CLIP1: variants seen among roughly 807,000 people sequenced by gnomAD.
CLIP1 encodes the protein CAP-Gly domain containing linker protein 1.
In CLIP1, 66 loss-of-function variants were observed where a neutral mutation model predicts 161.6. The ratio of observed to expected loss-of-function variants is 0.41; its 90% CI spans 0.33 to 0.50. The LOEUF (loss-of-function observed/expected upper bound fraction) is 0.50, where lower values mean the gene tolerates loss of function less well. Ranked by LOEUF, CLIP1 falls within the 20% of genes least tolerant of loss-of-function variation. The probability of loss-of-function intolerance (pLI) is 0.27; values close to 1 mark genes in which losing one functional copy is unlikely to be tolerated. For synonymous variants in CLIP1, 598 were observed against 626.2 expected (o/e 0.96, Z 0.67); for missense variants, 1,376 against 1,702.0 (o/e 0.81, Z 3.37).
At chr12:122,421,862 C>A (rs1956954199) in intron 1 of CLIP1, among the ~76,000 whole-genome samples, 1 of 152,228 alleles carries the variant, frequency 6.6e-6, no homozygotes, top group South Asian at 2.1e-4. Flanking sequence ...GCCTTCCGCG[C>A]CAATCCCCTG....
chr12:122,338,295 C>G (rs746713789), intron 11 of CLIP1, among the ~76,000 whole-genome samples: 1 of 151,924 alleles, frequency 6.6e-6, no homozygotes, highest in Non-Finnish European at 1.5e-5. Context: ...GGTGACAGAA[C>G]GAGACTCTGT....
intron 10 of CLIP1, among the ~76,000 whole-genome samples, chr12:122,346,324 C>T (rs970853606): frequency 6.6e-6 from 1 of 152,148 alleles, no homozygotes; most frequent in African/African-American, 2.4e-5. Context: ...TGAATACCTG[C>T]AAAGCACTTA....
chr12:122,360,697 A>G (rs1953735568), intron 5 of CLIP1: 1 of 394,900 alleles, frequency 2.5e-6, no homozygotes, highest in African/African-American at 2.0e-5. Context: ...CAGTAGTTAT[A>G]CAGATTCACC....
At chr12:122,289,248 C>T (rs1046140389) in intron 20 of CLIP1, among the ~76,000 whole-genome samples, 1 of 151,950 alleles carries the variant, frequency 6.6e-6, no homozygotes, top group African/African-American at 2.4e-5. Context: ...ATGGTGAAAG[C>T]CCATCTCTAC....
intron 20 of CLIP1, among the ~76,000 whole-genome samples, chr12:122,289,568 T>C (rs1956009534): frequency 6.6e-6 from 1 of 152,134 alleles, no homozygotes; most frequent in Non-Finnish European, 1.5e-5. Context: ...CTCACATCCA[T>C]CAATTCAACA....
Position 122,323,058 on chromosome 12 carries a change from TTC to T in CLIP1, c.3250-3712_3250-3711del, listed in dbSNP as rs1951576245. 1 of 152,630 alleles carries T rather than the reference TTC, an allele frequency of 6.6e-6. No homozygotes were observed. Among genetic ancestry groups the T allele is most frequent in the African/African-American group, 2.4e-5 (1 of 41,452 alleles). 9.5% of individuals were successfully genotyped at this position (152,630 alleles called of 1,614,324 possible). ...TTCATATTCTCTTGCACAACTAAAC[TTC>T]TGTTTGCAGACTCTTGATCACATTG... is the stretch of plus-strand genomic sequence containing the variant. On this transcript the variant is annotated intron_variant, in intron 17 of 25. Coordinates refer to ENST00000620786, the MANE Select transcript of CLIP1 (RefSeq NM_001247997.2). This position sits in a 1 kb window ranked among gnomAD's most constrained non-coding sequence, Gnocchi z 4.1.
At chr12:122,384,411 GAATAA>G (rs1955144599) in intron 1 of CLIP1, among the ~76,000 whole-genome samples, 1 of 152,074 alleles carries the variant, frequency 6.6e-6, no homozygotes, top group Non-Finnish European at 1.5e-5. Context: ...GTCCAATCAG[GAATAA>G]AGAGAATGAC....
chr12:122,356,810 G>A (rs913161489), intron 5 of CLIP1, among the ~76,000 whole-genome samples: 14 of 152,294 alleles, frequency 9.2e-5, no homozygotes, highest in Non-Finnish European at 1.6e-4. Flanking sequence ...ACTGGTTTTC[G>A]TATTTTTTTG....
rs1321906967 is a variant in CLIP1 at position 122,362,498 on chromosome 12, G to A, written c.783-1317C>T. Among the ~76,000 whole-genome samples the A allele has an allele frequency of 2.0e-5, 3 of 150,780 alleles. No individual in the cohort carries two copies. The East Asian group carries it at 5.9e-4, about 30-fold the overall frequency. On this transcript the variant is annotated intron_variant, in intron 4 of 25. Coordinates refer to ENST00000620786, the MANE Select transcript of CLIP1 (RefSeq NM_001247997.2). ...TCTACTAAAAATACAAAAATTATCTGGGCGTGGTGGTGTGTGTCTGTAATC... is the reference window on the plus strand; with the variant it reads ...TCTACTAAAAATACAAAAATTATCTAGGCGTGGTGGTGTGTGTCTGTAATC...
intron 9 of CLIP1, among the ~76,000 whole-genome samples, chr12:122,348,458 C>T (rs1221746843): frequency 6.6e-6 from 1 of 152,178 alleles, no homozygotes; most frequent in Non-Finnish European, 1.5e-5. Flanking sequence ...TTTGAGCTCT[C>T]TCAAAAAGAG....
At chr12:122,385,931 A>C (rs1955237092) in intron 1 of CLIP1, among the ~76,000 whole-genome samples, 1 of 152,186 alleles carries the variant, frequency 6.6e-6, no homozygotes, top group Non-Finnish European at 1.5e-5. Context: ...GACAAGTTTC[A>C]TGTTCACAAC....
At chr12:122,417,716 G>A (rs934354746) in intron 1 of CLIP1, among the ~76,000 whole-genome samples, 4 of 152,046 alleles carry the variant, frequency 2.6e-5, no homozygotes, top group East Asian at 3.9e-4. Context: ...GTTTCACTGC[G>A]TTAGCCAGGA....
At chr12:122,287,129 G>A (rs968418430) in intron 21 of CLIP1, among the ~76,000 whole-genome samples, 5 of 152,092 alleles carry the variant, frequency 3.3e-5, no homozygotes, top group African/African-American at 4.8e-5. Flanking sequence ...AGCCATGATT[G>A]AGCCATTGCA....
At chr12:122,422,117 G>T (rs1211414408) in intron 1 of CLIP1, among the ~76,000 whole-genome samples, 3 of 152,146 alleles carry the variant, frequency 2.0e-5, no homozygotes, top group Non-Finnish European at 4.4e-5. Flanking sequence ...GGTCCCGCCC[G>T]GCTTCGGCCT....
intron 12 of CLIP1, among the ~76,000 whole-genome samples, chr12:122,335,591 G>C (rs1250050429): frequency 6.6e-6 from 1 of 152,134 alleles, no homozygotes; most frequent in African/African-American, 2.4e-5. Flanking sequence ...CAGATCACTT[G>C]AGGTCAGTCG....
At chr12:122,353,427 C>T (rs1205789191) in intron 7 of CLIP1, among the ~76,000 whole-genome samples, 1 of 152,108 alleles carries the variant, frequency 6.6e-6, no homozygotes, top group Non-Finnish European at 1.5e-5. Flanking sequence ...AGTTTGAGAC[C>T]AGCCTGGTCA....
intron 19 of CLIP1, among the ~76,000 whole-genome samples, chr12:122,310,274 G>A (rs1951015899): frequency 6.6e-6 from 1 of 152,174 alleles, no homozygotes; most frequent in African/African-American, 2.4e-5. Flanking sequence ...GATTTAATTT[G>A]CTGCCAAGGC....
rs1566209205 is a variant in CLIP1, at chr12:122,387,567, TATATATATATATATATATA to T, written c.-106-7028_-106-7010del. On this transcript the variant is annotated intron_variant, in intron 1 of 25. Coordinates refer to ENST00000620786, the MANE Select transcript of CLIP1 (RefSeq NM_001247997.2). ...CTTTTCATATATATATATATATATA[TATATATATATATATATATA>T]TATATTTTTTTTTTTTTTTTTTTTT... Among the ~76,000 whole-genome samples, 17 of 21,226 alleles carry T rather than the reference TATATATATATATATATATA, an allele frequency of 8.0e-4. 1 individual carries two copies. The highest frequency in any genetic ancestry group is 7.2e-3 in the South Asian group (4 of 558). The allele number at this position is 21,226 out of a possible 152,430, so 13.9% of individuals were successfully genotyped here. A position where few individuals can be genotyped will look rare whatever the true frequency, so the allele number is the denominator to read the frequency against.
intron 24 of CLIP1, chr12:122,275,640 ACG>A (rs765638548): frequency 6.6e-4 from 57 of 86,364 alleles, no homozygotes; most frequent in Middle Eastern, 6.8e-3. Context: ...ACACACACAC[ACG>A]CGCACACACA....
Sources: gnomAD v4.1 joint callset for allele counts (sites outside exome capture counted in the v4.1 genomes callset) on GRCh38, gnomAD v4.1.1 for gene constraint, Gnocchi (gnomAD v3.1) non-coding constraint, MANE v1.5 for transcripts, NCBI Gene and HGNC (gene_info 2026-07-23, HGNC 2026-07-21) for gene names.